Variants in PLEKHA5 observed in about 807,000 individuals in gnomAD.
The protein encoded by PLEKHA5 is pleckstrin homology domain containing A5, also known as pleckstrin homology domain-containing family A member 5.
In PLEKHA5, 55 loss-of-function variants were observed where a neutral mutation model predicts 181.9. The ratio of observed to expected loss-of-function variants is 0.30; its 90% CI spans 0.24 to 0.38. The LOEUF (loss-of-function observed/expected upper bound fraction) is 0.38. Among genes scored for constraint, PLEKHA5 ranks in the 10% least tolerant of loss-of-function variants. The probability of loss-of-function intolerance (pLI) is 1.00; values close to 1 mark genes in which losing one functional copy is unlikely to be tolerated. For missense variants in PLEKHA5, 1,432 were observed against 1,549.5 expected, an observed-to-expected ratio of 0.92 and a Z score of 1.27; for synonymous variants, 535 against 529.4, an observed-to-expected ratio of 1.01 and a Z score of -0.15.
intron 7 of PLEKHA5, among the ~76,000 whole-genome samples, chr12:19,265,163 C>A (rs1297629446): frequency 6.6e-6 from 1 of 152,150 alleles, no homozygotes; most frequent in Non-Finnish European, 1.5e-5. Context: ...ATGTCGTCTT[C>A]ATTTATTCAA....
chr12:19,166,536 T>C (rs1228064768), intron 3 of PLEKHA5, among the ~76,000 whole-genome samples: 1 of 152,164 alleles, frequency 6.6e-6, no homozygotes, highest in Non-Finnish European at 1.5e-5. Context: ...ATTTGTCCTT[T>C]TATACCTTAC....
rs1249217898 is a variant in PLEKHA5, at chr12:19,130,738, AG to A, written c.169+611del. The A allele has an allele frequency of 6.6e-6, 1 of 152,276 alleles. No homozygotes were observed. The highest frequency in any genetic ancestry group is 1.9e-4 in the East Asian group (1 of 5,160). 9.4% of individuals were successfully genotyped at this position (152,276 alleles called of 1,614,324 possible). On this transcript the variant is annotated intron_variant, in intron 2 of 31. Transcript: ENST00000429027. The surrounding 1 kb of genome is among the most constrained non-coding windows in gnomAD (Gnocchi z 4.5). ...GGGGTGCTGCGATCCTCTCTGTGAC[AG>A]GGAACGGCTCGGGAAACGCTTGGCG...
In PLEKHA5 at chr12:19,130,263, G is replaced by T. The variant is rs1298552677; in HGVS notation, c.169+133G>T. The T allele has an allele frequency of 1.3e-5, 5 of 398,838 alleles. No individual in the cohort carries two copies. Among genetic ancestry groups the T allele is most frequent in the African/African-American group, 1.1e-4 (5 of 46,580 alleles). The allele number at this position is 398,838 out of a possible 1,614,324, so 24.7% of individuals were successfully genotyped here. On this transcript the variant is annotated intron_variant, in intron 2 of 31. Coordinates refer to ENST00000429027, the MANE Select transcript of PLEKHA5 (RefSeq NM_001256470.2). This position sits in a 1 kb window ranked among gnomAD's most constrained non-coding sequence, Gnocchi z 4.5. ...GAGGCGGGGCGGAGGCCGGGCGGGA[G>T]CGGCCGCAGGTAGAGGGGCCACGGG...
intron 3 of PLEKHA5, chr12:19,152,868 C>T (rs975624938): frequency 6.6e-6 from 1 of 151,986 alleles, no homozygotes; most frequent in East Asian, 1.9e-4. Flanking sequence ...AATCTTTTAT[C>T]CATAATATGT....
intron 15 of PLEKHA5, among the ~76,000 whole-genome samples, chr12:19,295,817 C>T (rs1253908395): frequency 1.3e-5 from 2 of 152,112 alleles, no homozygotes; most frequent in Non-Finnish European, 2.9e-5. Context: ...TCATAGTATC[C>T]CTGGTGGTTA....
At chr12:19,192,124 A>T (rs1046805825) in intron 3 of PLEKHA5, among the ~76,000 whole-genome samples, 5 of 152,160 alleles carry the variant, frequency 3.3e-5, no homozygotes, top group African/African-American at 9.7e-5. Flanking sequence ...TTTAAAAAAA[A>T]TTTTAGTATT....
Position 19,314,910 on chromosome 12 carries a change from GTGAATGATAC to G in PLEKHA5, c.2118+19_2118+28del. The G allele has an allele frequency of 7.2e-7, 1 of 1,397,062 alleles. No individual in the cohort carries two copies. Among genetic ancestry groups the G allele is most frequent in the Non-Finnish European group, 9.9e-7 (1 of 1,006,132 alleles). The allele number at this position is 1,397,062 out of a possible 1,614,324, so 86.5% of individuals were successfully genotyped here. On this transcript the variant is annotated intron_variant, in intron 16 of 31. Coordinates refer to ENST00000429027, the MANE Select transcript of PLEKHA5 (RefSeq NM_001256470.2). Reference sequence around the variant, plus strand: ...GTACCAGCAAGTAAGGTCTTGGACAGTGAATGATACTGCTTTATCATCTGCAAAATCCCTC... The same window carrying G: ...GTACCAGCAAGTAAGGTCTTGGACAGTGCTTTATCATCTGCAAAATCCCTC...
At chr12:19,249,561 A>G (rs1309689619) in intron 3 of PLEKHA5, among the ~76,000 whole-genome samples, 1 of 152,232 alleles carries the variant, frequency 6.6e-6, no homozygotes, top group East Asian at 1.9e-4. Flanking sequence ...AACTGAAACC[A>G]TAGAAAGCAA....
chr12:19,177,995 C>G (rs1053316757), intron 3 of PLEKHA5, among the ~76,000 whole-genome samples: 1 of 152,154 alleles, frequency 6.6e-6, no homozygotes, highest in Non-Finnish European at 1.5e-5. Flanking sequence ...CATACTGTTC[C>G]TTATGGCAGT....
chr12:19,146,898 G>A (rs1336287057), intron 3 of PLEKHA5, among the ~76,000 whole-genome samples: 1 of 152,176 alleles, frequency 6.6e-6, no homozygotes, highest in Non-Finnish European at 1.5e-5. Context: ...TTATATACCA[G>A]TTTTCTCTCA....
Position 19,320,587 on chromosome 12 carries a change from C to T in PLEKHA5, c.2180C>T (p.Thr727Ile). The T allele has an allele frequency of 1.3e-6, 2 of 1,516,624 alleles. No individual in the cohort carries two copies. The highest frequency in any genetic ancestry group is 2.3e-5 in the East Asian group (1 of 43,998). 93.9% of individuals were successfully genotyped at this position (1,516,624 alleles called of 1,614,324 possible). A position where few individuals can be genotyped will look rare whatever the true frequency, so the allele number is the denominator to read the frequency against. The change falls in exon 18 of 32, where the codon ACA becomes ATA. Residue 727 changes from threonine (T) to isoleucine (I), a missense_variant. Transcript: ENST00000429027. Reference protein sequence around the residue: ...YCLSQDEGRGTLYKYRPEEVD... With the variant: ...YCLSQDEGRGILYKYRPEEVD... Reference sequence around the variant, plus strand: ...CTGTCACAAGATGAAGGTAGAGGCACATTATACAAATACAGACCTGAAGAA... The same window carrying T: ...CTGTCACAAGATGAAGGTAGAGGCATATTATACAAATACAGACCTGAAGAA...
chr12:19,287,701 A>G, intron 13 of PLEKHA5, 145 bp downstream of exon 13: 1 of 606,032 alleles, frequency 1.7e-6, no homozygotes, highest in Non-Finnish European at 2.9e-6. Context: ...GATGCTCATC[A>G]GAATTTGAAA....
chr12:19,249,384 A>G (rs904020911), intron 3 of PLEKHA5, among the ~76,000 whole-genome samples: 1 of 152,222 alleles, frequency 6.6e-6, no homozygotes, highest in Admixed American at 6.5e-5. Flanking sequence ...TTGCATCGAC[A>G]GTTTAGAGAC....
chr12:19,250,786 G>A (rs562071844), intron 3 of PLEKHA5, among the ~76,000 whole-genome samples: 39 of 151,996 alleles, frequency 2.6e-4, no homozygotes, highest in Non-Finnish European at 5.1e-4. Context: ...ATAGGATAGT[G>A]ATATGTTAGT....
chr12:19,235,957 G>A (rs1465163800), intron 3 of PLEKHA5, among the ~76,000 whole-genome samples: 4 of 152,112 alleles, frequency 2.6e-5, no homozygotes, highest in East Asian at 3.8e-4. Flanking sequence ...AAACATGCAC[G>A]TGTTTTGACC....
chr12:19,226,388 A>G (rs80144075), intron 3 of PLEKHA5, among the ~76,000 whole-genome samples: 13,574 of 152,174 alleles, frequency 0.089, 653 homozygotes, highest in South Asian at 0.14. Flanking sequence ...TATGAATAGT[A>G]TTGCTGTGAA....
chr12:19,305,002 G>C (rs905468992), intron 15 of PLEKHA5, among the ~76,000 whole-genome samples: 10 of 152,146 alleles, frequency 6.6e-5, no homozygotes, highest in African/African-American at 2.4e-4. Context: ...AACAAGCACT[G>C]TCTTGGTGCT....
At chr12:19,174,457 CAT>C (rs1024966521) in intron 3 of PLEKHA5, among the ~76,000 whole-genome samples, 1 of 152,146 alleles carries the variant, frequency 6.6e-6, no homozygotes, top group African/African-American at 2.4e-5. Flanking sequence ...TTATTTTTAA[CAT>C]ATACTTAAAT....
chr12:19,156,839 G>C (rs2151404837), intron 3 of PLEKHA5, among the ~76,000 whole-genome samples: 1 of 149,968 alleles, frequency 6.7e-6, no homozygotes, highest in East Asian at 2.0e-4. Flanking sequence ...GAGATCAGGA[G>C]TTAGAGACCA....
Sources: gnomAD v4.1 joint callset for allele counts (sites outside exome capture counted in the v4.1 genomes callset) on GRCh38, gnomAD v4.1.1 for gene constraint, Gnocchi (gnomAD v3.1) non-coding constraint, MANE v1.5 for transcripts, NCBI Gene and HGNC (gene_info 2026-07-23, HGNC 2026-07-21) for gene names.